The following N4BP2L2 variants were observed in gnomAD, a reference collection of about 807,000 sequenced individuals.
N4BP2L2 encodes the protein NEDD4 binding protein 2 like 2, also known as NEDD4-binding protein 2-like 2.
N4BP2L2 carries 50 observed loss-of-function variants against 56.2 expected under a neutral mutation model. That is an observed-to-expected ratio of 0.89 (90% CI 0.71 to 1.13). The LOEUF (loss-of-function observed/expected upper bound fraction) is 1.13, where lower values mean the gene tolerates loss of function less well. Ranked by LOEUF, N4BP2L2 falls within the 50% of genes most tolerant of loss-of-function variation. The pLI, the probability that N4BP2L2 is intolerant of heterozygous loss-of-function variation, is 0.00. For synonymous variants in N4BP2L2, 203 were observed against 223.6 expected, an observed-to-expected ratio of 0.91 and a Z score of 0.82; for missense variants, 689 against 693.8, an observed-to-expected ratio of 0.99 and a Z score of 0.08.
At chr13:32,489,429 A>G (rs912881654) in intron 6 of N4BP2L2, among the ~76,000 whole-genome samples, 2 of 152,222 alleles carry the variant, frequency 1.3e-5, no homozygotes, top group Non-Finnish European at 2.9e-5. Context: ...ATTTATCCTT[A>G]GCCAAATTGT....
At chr13:32,498,562 G>A (rs982792223) in intron 6 of N4BP2L2, among the ~76,000 whole-genome samples, 15 of 151,606 alleles carry the variant, frequency 9.9e-5, no homozygotes, top group Admixed American at 2.0e-4. Context: ...GGCTGGTCTC[G>A]AACTCCTGAC....
At chr13:32,533,942 T>G (rs1437472125) in intron 2 of N4BP2L2, among the ~76,000 whole-genome samples, 2 of 152,226 alleles carry the variant, frequency 1.3e-5, no homozygotes, top group Admixed American at 1.3e-4. Context: ...ACCAGGATCC[T>G]TGAAGTCAGG....
At chr13:32,462,729 A>C (rs944101741) in intron 6 of N4BP2L2, among the ~76,000 whole-genome samples, 5 of 151,942 alleles carry the variant, frequency 3.3e-5, no homozygotes, top group Non-Finnish European at 7.4e-5. Context: ...TACCCCCATT[A>C]AAATGTACAA....
At chr13:32,455,011 T>G (rs975473133) in intron 6 of N4BP2L2, among the ~76,000 whole-genome samples, 18 of 152,126 alleles carry the variant, frequency 1.2e-4, no homozygotes, top group African/African-American at 4.3e-4. Context: ...GCCCTGAGAC[T>G]ACTGCAGGGA....
At chr13:32,518,108 A>T in intron 5 of N4BP2L2, 105 bp from the exon 6 acceptor site, 4 of 1,019,982 alleles carry the variant, frequency 3.9e-6, no homozygotes, top group Non-Finnish European at 5.5e-6. Flanking sequence ...ATATTTTGTA[A>T]ATAAACAATA....
chr13:32,481,118 CAAAAAAAAAAAAAAA>C (rs60854435), intron 6 of N4BP2L2, among the ~76,000 whole-genome samples: 8 of 20,712 alleles, frequency 3.9e-4, no homozygotes, highest in African/African-American at 9.3e-4. Context: ...GACTCTGTCT[CAAAAAAAAAAAAAAA>C]AAAAAAAAAA....
At chr13:32,495,649 AC>A (rs887791215) in intron 6 of N4BP2L2, among the ~76,000 whole-genome samples, 13 of 151,702 alleles carry the variant, frequency 8.6e-5, no homozygotes, top group Non-Finnish European at 1.9e-4. Context: ...AGCAGGAGAC[AC>A]CAGTGGCAGT....
chr13:32,496,344 T>G lies in N4BP2L2; in HGVS notation c.365+21513A>C, dbSNP rs542898100. On this transcript the variant is annotated intron_variant, in intron 6 of 9. Coordinates refer to the N4BP2L2 transcript ENST00000357505. ...AATTTTAACTGCTTTTTTTCCTATT[T>G]TTGTTTAATGTATTTAAGACCACCG... is the stretch of plus-strand genomic sequence containing the variant. Among the ~76,000 whole-genome samples the G allele has an allele frequency of 3.3e-5, 5 of 152,348 alleles. No individual in the cohort carries two copies. The South Asian group carries it at 1.0e-3, about 32-fold the overall frequency.
intron 6 of N4BP2L2, among the ~76,000 whole-genome samples, chr13:32,458,668 A>G (rs1174896789): frequency 6.6e-6 from 1 of 152,208 alleles, no homozygotes; most frequent in East Asian, 1.9e-4. Context: ...AGGGAGAGAT[A>G]GACTCTAGAA....
intron 2 of N4BP2L2, among the ~76,000 whole-genome samples, chr13:32,529,772 C>A (rs193296999): frequency 8.8e-4 from 133 of 150,904 alleles, no homozygotes; most frequent in African/African-American, 3.1e-3. Context: ...ATTGCCCAGG[C>A]TGGAGTGCAG....
chr13:32,458,043 T>TG (rs2079283340), intron 6 of N4BP2L2, among the ~76,000 whole-genome samples: 1 of 152,008 alleles, frequency 6.6e-6, no homozygotes, highest in Non-Finnish European at 1.5e-5. Flanking sequence ...TTTTTTGTTT[T>TG]GTTTTGTTTT....
chr13:32,436,675 A>G (rs2075516900), intron 8 of N4BP2L2, among the ~76,000 whole-genome samples: 1 of 150,614 alleles, frequency 6.6e-6, no homozygotes, highest in East Asian at 2.0e-4. Context: ...CTGTAGTCCC[A>G]GCTACTTGGG....
rs1163385664 is a variant in N4BP2L2, at chr13:32,489,299, A to T, written c.365+28558T>A. ...TTGAATTTTTCCGTTTCTGTCATGT[A>T]CGCTGTTTTTACTTTGACATAATAG... On this transcript the variant is annotated intron_variant, in intron 6 of 9. Coordinates refer to the N4BP2L2 transcript ENST00000357505. Among the ~76,000 whole-genome samples, 12 of 152,318 alleles carry T rather than the reference A, an allele frequency of 7.9e-5. No homozygotes were observed. The East Asian group carries it at 2.3e-3, about 29-fold the overall frequency.
At chr13:32,455,997 G>A (rs1482166331) in intron 6 of N4BP2L2, among the ~76,000 whole-genome samples, 1 of 152,178 alleles carries the variant, frequency 6.6e-6, no homozygotes, top group East Asian at 1.9e-4. Context: ...TTGCCCAGGA[G>A]ACCAAGAACC....
chr13:32,461,610 T>C (rs887076256), intron 6 of N4BP2L2, among the ~76,000 whole-genome samples: 6 of 152,098 alleles, frequency 3.9e-5, no homozygotes, highest in Non-Finnish European at 8.8e-5. Flanking sequence ...ATGGCTATTA[T>C]TATTATTTAG....
chr13:32,437,313 T>C (rs1360361123), intron 8 of N4BP2L2, among the ~76,000 whole-genome samples: 4 of 152,246 alleles, frequency 2.6e-5, no homozygotes, highest in Non-Finnish European at 4.4e-5. Context: ...TTTTATTAAA[T>C]GGACAGACGA....
intron 9 of N4BP2L2, among the ~76,000 whole-genome samples, chr13:32,434,568 TG>T (rs1337691502): frequency 6.6e-6 from 1 of 152,142 alleles, no homozygotes; most frequent in Non-Finnish European, 1.5e-5. Flanking sequence ...CCTAGCACCC[TG>T]CCCCACTGCC....
chr13:32,443,998 T>A (rs764015137), exon 7 of N4BP2L2: 2 of 1,609,076 alleles, frequency 1.2e-6, no homozygotes, highest in South Asian at 2.2e-5. Context: ...CGGTGTAAGA[T>A]CACTTAAGAA....
intron 6 of N4BP2L2, among the ~76,000 whole-genome samples, chr13:32,490,729 G>C (rs2086884783): frequency 6.6e-6 from 1 of 152,144 alleles, no homozygotes; most frequent in African/African-American, 2.4e-5. Context: ...ATTCCCATAA[G>C]GAGTGCAGCA....
Sources: gnomAD v4.1 joint callset for allele counts (sites outside exome capture counted in the v4.1 genomes callset) on GRCh38, gnomAD v4.1.1 for gene constraint, MANE v1.5 for transcripts, NCBI Gene and HGNC (gene_info 2026-07-23, HGNC 2026-07-21) for gene names.